Variants in CFAP43 observed in about 807,000 individuals in gnomAD.
CFAP43 encodes the protein cilia and flagella associated protein 43.
A neutral mutation model predicts 218.9 loss-of-function variants in CFAP43; 155 were observed. The ratio of observed to expected loss-of-function variants is 0.71; its 90% CI spans 0.62 to 0.81. The LOEUF is 0.81. Among genes scored for constraint, CFAP43 ranks in the 30% least tolerant of loss-of-function variants. CFAP43 has a pLI of 0.00. For synonymous variants in CFAP43, 645 were observed against 681.3 expected, an observed-to-expected ratio of 0.95 and a Z score of 0.83; for missense variants, 1,778 against 1,954.3, an observed-to-expected ratio of 0.91 and a Z score of 1.70.
At chr10:104,163,887 G>C (rs1416148818) in intron 24 of CFAP43, among the ~76,000 whole-genome samples, 1 of 152,208 alleles carries the variant, frequency 6.6e-6, no homozygotes, top group Admixed American at 6.5e-5. Flanking sequence ...TTCTTCCTGG[G>C]CTCAGTGTCC....
At chr10:104,194,947 T>C (rs1398315848) in intron 10 of CFAP43, among the ~76,000 whole-genome samples, 1 of 152,220 alleles carries the variant, frequency 6.6e-6, no homozygotes. Flanking sequence ...GTGGGCTTTT[T>C]GTAAAATTGA....
chr10:104,141,812 G>A (rs1239199267), intron 33 of CFAP43, among the ~76,000 whole-genome samples: 6 of 152,088 alleles, frequency 3.9e-5, no homozygotes, highest in Non-Finnish European at 8.8e-5. Context: ...ATTTATCGAT[G>A]AGGCTATAAA....
intron 19 of CFAP43, among the ~76,000 whole-genome samples, chr10:104,175,352 G>A (rs112814773): frequency 1.3e-5 from 2 of 152,250 alleles, no homozygotes; most frequent in Non-Finnish European, 2.9e-5. Flanking sequence ...TTGAGCCCAG[G>A]AGTTCAAGCC....
intron 13 of CFAP43, 114 bp downstream of exon 13, chr10:104,188,156 A>T: frequency 7.6e-7 from 1 of 1,320,744 alleles, no homozygotes; most frequent in East Asian, 2.3e-5. Flanking sequence ...GATAGACAAA[A>T]GGTGGCCATT....
chr10:104,212,268 C>G (rs774625296), intron 4 of CFAP43, 111 bp from the exon 5 acceptor site: 86 of 1,057,210 alleles, frequency 8.1e-5, no homozygotes, highest in Non-Finnish European at 1.1e-4. Context: ...TTGCAAAAAT[C>G]AAATAAGAAG....
rs78689984 is a variant in CFAP43 at position 104,217,217 on chromosome 10, T to C, written c.417-2791A>G. 7.6e-3 allele frequency among the ~76,000 whole-genome samples: 1,154 copies of C among 152,258 alleles called. 16 individuals are homozygous for C. Among genetic ancestry groups the C allele is most frequent in the African/African-American group, 0.025 (1,046 of 41,544 alleles). ...GCCACTCACAATGAGGACCTAATAT[T>C]ACCTAGCCACCCTTGAAGCTGGCTG... On this transcript the variant is annotated intron_variant, in intron 3 of 37. Coordinates refer to ENST00000357060, the MANE Select transcript of CFAP43 (RefSeq NM_025145.7).
Position 104,140,952 on chromosome 10 carries a change from G to A in CFAP43, c.4321C>T (p.Leu1441Phe). 1.2e-6 allele frequency: 2 copies of A among 1,613,120 alleles called. No individual in the cohort carries two copies. Among genetic ancestry groups the A allele is most frequent in the Non-Finnish European group, 1.7e-6 (2 of 1,179,698 alleles). ...RFQLNLTIQI[L>F]LKQGQVELEN... ...AGTTCTACTTGTCCTTGTTTAAGAA[G>A]AATTTGGATTGTCAAATTCAACTGG... Residue 1441 changes from leucine (L) to phenylalanine (F), a missense_variant, in exon 34 of 38, where the codon CTT (leucine) becomes TTT (phenylalanine). Coordinates refer to ENST00000357060, the MANE Select transcript of CFAP43 (RefSeq NM_025145.7).
intron 35 of CFAP43, chr10:104,132,584 C>T: frequency 1.1e-6 from 1 of 943,892 alleles, no homozygotes; most frequent in Non-Finnish European, 1.3e-6. Context: ...CATTGCACTC[C>T]ACCTGGGCAA....
At chr10:104,144,213 G>A (rs996621307) in intron 31 of CFAP43, among the ~76,000 whole-genome samples, 4 of 152,210 alleles carry the variant, frequency 2.6e-5, no homozygotes, top group African/African-American at 7.2e-5. Context: ...AAGGCTATCA[G>A]TCTGACAGGT....
In CFAP43 at chr10:104,188,665, G is replaced by C. The variant is rs2090111217; in HGVS notation, c.1547-255C>G. 2.0e-5 allele frequency among the ~76,000 whole-genome samples: 3 copies of C among 152,120 alleles called. No homozygotes were observed. The South Asian group carries it at 6.2e-4, about 32-fold the overall frequency. ...CCAGTCTGTCTGGGTTTCCTTCCCA[G>C]CCAGGGTGGCCCCAGAGTGCACCAT... On this transcript the variant is annotated intron_variant, in intron 12 of 37. Coordinates refer to ENST00000357060, the MANE Select transcript of CFAP43 (RefSeq NM_025145.7).
In CFAP43 at chr10:104,157,773, T is replaced by TGAGA. The variant is rs1276226636; in HGVS notation, c.3540+3263_3540+3264insTCTC. On this transcript the variant is annotated intron_variant, in intron 27 of 37. Transcript: ENST00000357060. ...GTGTGTGTGTGTGTGTGTGTGTGTGTGTGAGAGAGAGAGAGAGAGAGAGAG... is the reference window on the plus strand; with the variant it reads ...GTGTGTGTGTGTGTGTGTGTGTGTGTGAGAGTGAGAGAGAGAGAGAGAGAGAGAG... Among the ~76,000 whole-genome samples, 565 of 98,000 alleles carry TGAGA rather than the reference T, an allele frequency of 5.8e-3. 1 individual carries two copies. The highest frequency in any genetic ancestry group is 0.011 in the Admixed American group (98 of 9,078). The allele number at this position is 98,000 out of a possible 152,430, so 64.3% of individuals were successfully genotyped here. A position where few individuals can be genotyped will look rare whatever the true frequency, so the allele number is the denominator to read the frequency against.
intron 22 of CFAP43, 135 bp downstream of exon 22, chr10:104,167,486 C>T: frequency 1.8e-6 from 1 of 571,340 alleles, no homozygotes; most frequent in Non-Finnish European, 2.8e-6. Flanking sequence ...ATATATTCTA[C>T]AAATTAACAA....
chr10:104,145,346 A>T (rs1461033383), intron 31 of CFAP43, 130 bp downstream of exon 31: 1 of 548,476 alleles, frequency 1.8e-6, no homozygotes, highest in African/African-American at 1.9e-5. Flanking sequence ...AAACCCTTAA[A>T]CATCTCCACC....
intron 22 of CFAP43, among the ~76,000 whole-genome samples, chr10:104,166,941 T>C (rs1302321766): frequency 6.6e-6 from 1 of 152,216 alleles, no homozygotes; most frequent in Admixed American, 6.5e-5. Flanking sequence ...AAAATTGTCC[T>C]GGATGGTGTG....
intron 27 of CFAP43, among the ~76,000 whole-genome samples, chr10:104,157,767 TGTGTGTGTGAGAGA>T (rs1468100260): frequency 8.4e-6 from 1 of 118,734 alleles, no homozygotes; most frequent in African/African-American, 3.6e-5. Context: ...TGTGTGTGTG[TGTGTGTGTGAGAGA>T]GAGAGAGAGA....
chr10:104,172,159 G>A (rs1453538754), intron 20 of CFAP43, among the ~76,000 whole-genome samples: 1 of 152,184 alleles, frequency 6.6e-6, no homozygotes, highest in East Asian at 1.9e-4. Context: ...CAAACGTATG[G>A]CTGGCACGAA....
At chr10:104,225,391 G>C (rs957835691) in intron 3 of CFAP43, 70 bp downstream of exon 3, 1 of 1,189,798 alleles carries the variant, frequency 8.4e-7, no homozygotes, top group East Asian at 2.7e-5. Flanking sequence ...TATTTCCTTC[G>C]ATAAAATCCA....
chr10:104,187,316 A>G lies in CFAP43; in HGVS notation c.1860+4T>C, dbSNP rs761098847. Reference sequence around the variant, plus strand: ...AATGAGAGCACACTTAAGTGTTGACATACTTCTTCAGGAAGAAGGTAGCTA... The same window carrying G: ...AATGAGAGCACACTTAAGTGTTGACGTACTTCTTCAGGAAGAAGGTAGCTA... On this transcript the variant is annotated splice_donor_region_variant and intron_variant, in intron 14 of 37. Coordinates refer to ENST00000357060, the MANE Select transcript of CFAP43 (RefSeq NM_025145.7). The G allele has an allele frequency of 6.3e-7, 1 of 1,593,558 alleles. No individual in the cohort carries two copies. The highest frequency in any genetic ancestry group is 8.5e-7 in the Non-Finnish European group (1 of 1,173,398).
At chr10:104,225,588 A>T (rs1168302323) in intron 2 of CFAP43, 31 bp from the exon 3 acceptor site, 1 of 1,569,920 alleles carries the variant, frequency 6.4e-7, no homozygotes, top group Non-Finnish European at 8.7e-7. Flanking sequence ...TCAGGATTTG[A>T]TTATGTTAAG....
Sources: allele counts gnomAD v4.1 joint callset (sites outside exome capture counted in the v4.1 genomes callset), GRCh38; gene constraint gnomAD v4.1.1; transcripts MANE v1.5; gene names NCBI Gene and HGNC (gene_info 2026-07-23, HGNC 2026-07-21).